G6PC2: variants seen among roughly 807,000 people sequenced by gnomAD.
G6PC2 encodes the protein glucose-6-phosphatase catalytic subunit 2.
G6PC2 carries 41 observed loss-of-function variants against 35.4 expected under a neutral mutation model. The observed-to-expected ratio is 1.16, with a 90% CI of 0.90 to 1.50. The LOEUF is 1.50. Among genes scored for constraint, G6PC2 ranks in the 40% most tolerant of loss-of-function variants. The pLI is 0.00. For missense variants in G6PC2, 441 were observed against 426.5 expected (o/e 1.03, Z -0.30); for synonymous variants, 165 against 153.2 (o/e 1.08, Z -0.57).
rs1462207706 is a variant in G6PC2, at chr2:168,904,617, G to A, written c.440+1G>A. 2.0e-6 allele frequency: 3 copies of A among 1,509,322 alleles called. No individual in the cohort carries two copies. The highest frequency in any genetic ancestry group is 1.4e-5 in the African/African-American group (1 of 72,806). The allele number at this position is 1,509,322 out of a possible 1,614,324, so 93.5% of individuals were successfully genotyped here. ...ATAAGTTCTCTATCACTCTGCACAG[G>A]TCAGCTTTGCTGCAGTTTCTGTAGC... On this transcript the variant is annotated splice_donor_variant, in intron 3 of 4. Coordinates refer to ENST00000375363, the MANE Select transcript of G6PC2 (RefSeq NM_021176.3). LOFTEE classifies it high-confidence loss of function.
intron 2 of G6PC2, among the ~76,000 whole-genome samples, 194 bp downstream of exon 2, chr2:168,902,748 AT>A (rs1303824118): frequency 1.3e-5 from 2 of 152,230 alleles, no homozygotes; most frequent in Non-Finnish European, 2.9e-5. Context: ...CCATTTTGTT[AT>A]TTATGAAAGG....
intron 3 of G6PC2, 145 bp downstream of exon 3, chr2:168,904,761 A>C: frequency 1.4e-6 from 1 of 692,304 alleles, no homozygotes; most frequent in South Asian, 1.5e-5. Context: ...TAACAAAATG[A>C]ATAGAAAACT....
intron 3 of G6PC2, among the ~76,000 whole-genome samples, chr2:168,906,049 TC>T (rs1352589516): frequency 7.6e-6 from 1 of 131,912 alleles, no homozygotes; most frequent in Non-Finnish European, 1.6e-5. Flanking sequence ...ATAGGTCAAT[TC>T]CCCTGTTCTC....
Position 168,909,712 on chromosome 2 carries a change from C to T in G6PC2, c.*1633C>T, listed in dbSNP as rs1690809392. On this transcript the variant is annotated 3_prime_UTR_variant, in exon 5 of 5. Transcript: ENST00000375363. Reference sequence around the variant, plus strand: ...AGATTTTGCTAGATATCTTAGTAATCCCCCACAATGTTTTATGTAACTCTT... The same window carrying T: ...AGATTTTGCTAGATATCTTAGTAATTCCCCACAATGTTTTATGTAACTCTT... 1 of 152,058 alleles carries T rather than the reference C, an allele frequency of 6.6e-6. No homozygotes were observed. The highest frequency in any genetic ancestry group is 6.6e-5 in the Admixed American group (1 of 15,260). The allele number at this position is 152,058 out of a possible 1,614,324, so 9.4% of individuals were successfully genotyped here. A position where few individuals can be genotyped will look rare whatever the true frequency, so the allele number is the denominator to read the frequency against.
At chr2:168,903,088 C>A (rs3770568) in intron 2 of G6PC2, 21,698 of 153,762 alleles carry the variant, frequency 0.14, 2,110 homozygotes, top group African/African-American at 0.27. Context: ...CACAAGTAGG[C>A]TTCTTGGGCC....
intron 3 of G6PC2, among the ~76,000 whole-genome samples, chr2:168,906,288 G>A (rs16856162): frequency 0.031 from 4,659 of 152,112 alleles, 260 homozygotes; most frequent in African/African-American, 0.1. Context: ...AGGGCAGGGC[G>A]TGAAAATATA....
chr2:168,904,408 T>A lies in G6PC2; in HGVS notation c.329-97T>A. ...CTGTGTCTTGTCTTTTTTTCTGAGT[T>A]ACTCATAATTTTCATGGGGAATATG... On this transcript the variant is annotated intron_variant, in intron 2 of 4. Transcript: ENST00000375363. 3 of 786,978 alleles carry A rather than the reference T, an allele frequency of 3.8e-6. No homozygotes were observed. In the Admixed American group the frequency reaches 5.1e-5, roughly 13 times the overall value. The allele number at this position is 786,978 out of a possible 1,614,324, so 48.7% of individuals were successfully genotyped here. A position where few individuals can be genotyped will look rare whatever the true frequency, so the allele number is the denominator to read the frequency against.
intron 4 of G6PC2, among the ~76,000 whole-genome samples, chr2:168,907,087 C>A (rs1370725748): frequency 6.6e-6 from 1 of 152,144 alleles, no homozygotes; most frequent in Non-Finnish European, 1.5e-5. Context: ...TTGTGTCTTG[C>A]GTGAGGGAAC....
At position 168,909,900 on chromosome 2, in the gene G6PC2, T is replaced by C. The variant is rs886239695; in HGVS notation, c.*1821T>C. ...TTAATTACTCCTTTCCAAGTATATG[T>C]ATAGAGCATGTGTCATTGCTTTTAT... is the stretch of plus-strand genomic sequence containing the variant. On this transcript the variant is annotated 3_prime_UTR_variant, in exon 5 of 5. Transcript: ENST00000375363. 1.3e-5 allele frequency: 2 copies of C among 152,246 alleles called. No individual in the cohort carries two copies. The highest frequency in any genetic ancestry group is 2.4e-5 in the African/African-American group (1 of 41,466). 9.4% of individuals were successfully genotyped at this position (152,246 alleles called of 1,614,324 possible).
rs141820044 is a variant in G6PC2, at chr2:168,907,938, C to T, written c.927C>T (p.Phe309=). Residue 309 remains phenylalanine, a synonymous_variant, in exon 5 of 5, where the codon TTC becomes TTT. Transcript: ENST00000375363. ...TSLTILQLYH[F]LQIPTHEEHL... Reference sequence around the variant, plus strand: ...TGACAATACTGCAGCTCTACCATTTCCTCCAGATCCCGACTCACGAAGAGC... The same window carrying T: ...TGACAATACTGCAGCTCTACCATTTTCTCCAGATCCCGACTCACGAAGAGC... The T allele has an allele frequency of 6.2e-6, 10 of 1,614,156 alleles. No individual in the cohort carries two copies. The highest frequency in any genetic ancestry group is 5.0e-5 in the Admixed American group (3 of 60,016).
At chr2:168,906,545 A>G in intron 3 of G6PC2, 119 bp from the exon 4 acceptor site, 1 of 722,580 alleles carries the variant, frequency 1.4e-6, no homozygotes, top group Non-Finnish European at 2.5e-6. Flanking sequence ...TTCTAGAATC[A>G]TGATGCTATG....
chr2:168,909,774 T>G lies in G6PC2; in HGVS notation c.*1695T>G, dbSNP rs1273595283. 1 of 152,226 alleles carries G rather than the reference T, an allele frequency of 6.6e-6. No individual in the cohort carries two copies. Among genetic ancestry groups the G allele is most frequent in the Admixed American group, 6.5e-5 (1 of 15,284 alleles). 9.4% of individuals were successfully genotyped at this position (152,226 alleles called of 1,614,324 possible). On this transcript the variant is annotated 3_prime_UTR_variant, in exon 5 of 5. Transcript: ENST00000375363. ...AATACATTAATTATTTTAGATGACATATTAAATAATCTATGAATATTAATG... is the reference window on the plus strand; with the variant it reads ...AATACATTAATTATTTTAGATGACAGATTAAATAATCTATGAATATTAATG...
At position 168,907,949 on chromosome 2, in the gene G6PC2, C is replaced by G. The variant is rs137857125; in HGVS notation, c.938C>G (p.Pro313Arg). The G allele has an allele frequency of 6.2e-7, 1 of 1,614,104 alleles. No homozygotes were observed. Among genetic ancestry groups the G allele is most frequent in the Non-Finnish European group, 8.5e-7 (1 of 1,179,946 alleles). ...CAGCTCTACCATTTCCTCCAGATCCCGACTCACGAAGAGCATTTATTTTAT... is the reference window on the plus strand; with the variant it reads ...CAGCTCTACCATTTCCTCCAGATCCGGACTCACGAAGAGCATTTATTTTAT... Reference protein sequence around the residue: ...ILQLYHFLQIPTHEEHLFYVL... With the variant: ...ILQLYHFLQIRTHEEHLFYVL... Residue 313 changes from proline to arginine, a missense_variant, in exon 5 of 5, where the codon CCG becomes CGG. By Grantham distance (103) the Pro-to-Arg change is moderately radical. Transcript: ENST00000375363.
In G6PC2 at chr2:168,901,528, G is replaced by T. The variant is rs773767628; in HGVS notation, c.197G>T (p.Trp66Leu). 7 of 1,535,378 alleles carry T rather than the reference G, an allele frequency of 4.6e-6. No individual in the cohort carries two copies. Among genetic ancestry groups the T allele is most frequent in the Non-Finnish European group, 5.4e-6 (6 of 1,108,842 alleles). The change falls in exon 1 of 5, where the codon TGG becomes TTG. Residue 66 changes from tryptophan to leucine, a missense_variant. By Grantham distance (61) the Trp-to-Leu change is moderately conservative. Coordinates refer to ENST00000375363, the MANE Select transcript of G6PC2 (RefSeq NM_021176.3). ...ATATGGGTAGCAGTCATTGGGGATTGGTTAAATCTTATATTTAAATGGTAA... is the reference window on the plus strand; with the variant it reads ...ATATGGGTAGCAGTCATTGGGGATTTGTTAAATCTTATATTTAAATGGTAA... ...KMIWVAVIGD[W>L]LNLIFKWILF...
At position 168,909,904 on chromosome 2, in the gene G6PC2, G is replaced by C. The variant is rs1690814504; in HGVS notation, c.*1825G>C. The stretch of plus-strand genomic sequence containing the variant: ...TTACTCCTTTCCAAGTATATGTATA[G>C]AGCATGTGTCATTGCTTTTATAAAA... On this transcript the variant is annotated 3_prime_UTR_variant, in exon 5 of 5. Coordinates refer to ENST00000375363, the MANE Select transcript of G6PC2 (RefSeq NM_021176.3). 6.6e-6 allele frequency: 1 copy of C among 152,192 alleles called. No individual in the cohort carries two copies. Among genetic ancestry groups the C allele is most frequent in the Non-Finnish European group, 1.5e-5 (1 of 68,034 alleles). 9.4% of individuals were successfully genotyped at this position (152,192 alleles called of 1,614,324 possible).
At chr2:168,906,166 C>T (rs1690706167) in intron 3 of G6PC2, among the ~76,000 whole-genome samples, 1 of 150,802 alleles carries the variant, frequency 6.6e-6, no homozygotes, top group African/African-American at 2.4e-5. Context: ...GCAATTAAAC[C>T]CAATGAAAAA....
rs1201948691 is a variant in G6PC2 at position 168,909,790 on chromosome 2, A to C, written c.*1711A>C. The C allele has an allele frequency of 1.3e-5, 2 of 152,222 alleles. No homozygotes were observed. The highest frequency in any genetic ancestry group is 2.9e-5 in the Non-Finnish European group (2 of 68,034). 9.4% of individuals were successfully genotyped at this position (152,222 alleles called of 1,614,324 possible). On this transcript the variant is annotated 3_prime_UTR_variant, in exon 5 of 5. Transcript: ENST00000375363. ...TAGATGACATATTAAATAATCTATG[A>C]ATATTAATGAAAACAATACAGTTGA...
At chr2:168,902,374 T>C (rs535092962) in intron 1 of G6PC2, 71 bp from the exon 2 acceptor site, 8 of 753,130 alleles carry the variant, frequency 1.1e-5, no homozygotes, top group Middle Eastern at 2.3e-4. Context: ...TAGGAAAGAA[T>C]TGCTAATCTC....
chr2:168,902,641 A>G (rs890158863), intron 2 of G6PC2, 87 bp downstream of exon 2: 20 of 767,232 alleles, frequency 2.6e-5, no homozygotes, highest in Non-Finnish European at 4.6e-5. Context: ...CTGATATTAT[A>G]TAGGGTAGTA....
Sources: gnomAD v4.1 joint callset for allele counts (sites outside exome capture counted in the v4.1 genomes callset) on GRCh38, gnomAD v4.1.1 for gene constraint, MANE v1.5 for transcripts, NCBI Gene and HGNC (gene_info 2026-07-23, HGNC 2026-07-21) for gene names.